ZFAT: variants seen among roughly 807,000 people sequenced by gnomAD.
The protein encoded by ZFAT is zinc finger protein ZFAT.
Under a neutral mutation model 117.7 loss-of-function variants are expected in ZFAT, and 64 were observed. That is an observed-to-expected ratio of 0.54 (90% CI 0.44 to 0.67). The LOEUF is 0.67. ZFAT is among the 30% of genes least tolerant of loss of function. The pLI, the probability that ZFAT is intolerant of heterozygous loss-of-function variation, is 0.00. For missense variants in ZFAT, 1,433 were observed against 1,584.5 expected (o/e 0.90, Z 1.62); for synonymous variants, 679 against 615.0 (o/e 1.10, Z -1.54).
At chr8:134,805,807 C>T in the ZFAT span, among the ~76,000 whole-genome samples, 3 of 151,886 alleles carry the variant, frequency 2.0e-5, no homozygotes, top group South Asian at 2.1e-4. Context: ...AGTGGCAAAA[C>T]CCTACCTCTA....
At chr8:134,782,511 T>A in the ZFAT span, among the ~76,000 whole-genome samples, 1 of 152,232 alleles carries the variant, frequency 6.6e-6, no homozygotes, top group African/African-American at 2.4e-5. Flanking sequence ...CATGAAAATA[T>A]TAATTAAAAT....
At chr8:134,630,266 A>C (rs1829796441) in intron 3 of ZFAT, among the ~76,000 whole-genome samples, 1 of 152,184 alleles carries the variant, frequency 6.6e-6, no homozygotes, top group African/African-American at 2.4e-5. Context: ...CAGAGGAAAA[A>C]ATGAGGGTTT....
At chr8:134,696,384 G>A (rs1833843158) in intron 1 of ZFAT, 4 of 985,464 alleles carry the variant, frequency 4.1e-6, no homozygotes, top group Non-Finnish European at 4.8e-6. Context: ...AACCACCCAG[G>A]AATCAACAGG....
intron 9 of ZFAT, among the ~76,000 whole-genome samples, chr8:134,586,105 A>C (rs1436752661): frequency 6.6e-6 from 1 of 152,212 alleles, no homozygotes; most frequent in African/African-American, 2.4e-5. Flanking sequence ...TGGTGTGTGT[A>C]CTGATATCCT....
At chr8:134,613,841 C>T (rs1431960420) in intron 3 of ZFAT, among the ~76,000 whole-genome samples, 1 of 152,188 alleles carries the variant, frequency 6.6e-6, no homozygotes, top group Non-Finnish European at 1.5e-5. Flanking sequence ...CACCCAGCAG[C>T]TAGGAGAGGC....
chr8:134,771,215 CG>C, the ZFAT span, among the ~76,000 whole-genome samples: 2 of 152,178 alleles, frequency 1.3e-5, no homozygotes, highest in East Asian at 3.8e-4. Flanking sequence ...ATGTCTCCCC[CG>C]GATGCCCAGC....
intron 15 of ZFAT, among the ~76,000 whole-genome samples, chr8:134,507,907 A>G (rs1819532480): frequency 6.6e-6 from 1 of 152,180 alleles, no homozygotes; most frequent in African/African-American, 2.4e-5. Flanking sequence ...GGGACTCCAC[A>G]TGTCAAGATG....
At chr8:134,653,694 G>A (rs530521865) in intron 2 of ZFAT, among the ~76,000 whole-genome samples, 4 of 151,986 alleles carry the variant, frequency 2.6e-5, no homozygotes, top group South Asian at 4.2e-4. Flanking sequence ...CATATACACC[G>A]TAAATACATA....
intron 3 of ZFAT, among the ~76,000 whole-genome samples, chr8:134,618,201 G>T (rs1828878210): frequency 2.0e-5 from 3 of 152,134 alleles, no homozygotes; most frequent in South Asian, 4.2e-4. Flanking sequence ...CAGTTACTAT[G>T]AGCAAATTCA....
chr8:134,739,819 G>C, the ZFAT span, among the ~76,000 whole-genome samples: 1 of 152,232 alleles, frequency 6.6e-6, no homozygotes, highest in Non-Finnish European at 1.5e-5. Flanking sequence ...TTCAACGGAA[G>C]GTACCAGCAG....
the ZFAT span, among the ~76,000 whole-genome samples, chr8:134,825,889 C>G: frequency 6.6e-6 from 1 of 151,908 alleles, no homozygotes; most frequent in Non-Finnish European, 1.5e-5. Context: ...GGCGTGGTGG[C>G]GGGCGCCTGT....
intron 15 of ZFAT, among the ~76,000 whole-genome samples, chr8:134,484,339 T>C (rs1205156277): frequency 2.6e-5 from 4 of 152,194 alleles, no homozygotes; most frequent in Non-Finnish European, 5.9e-5. Flanking sequence ...CCTATAGCTG[T>C]AGAACTGCCC....
At chr8:134,539,585 G>C (rs184989650) in intron 11 of ZFAT, among the ~76,000 whole-genome samples, 7 of 152,184 alleles carry the variant, frequency 4.6e-5, no homozygotes, top group Admixed American at 4.6e-4. Flanking sequence ...TAGTAATAGA[G>C]ATACAGACAG....
chr8:134,497,426 T>C (rs1465105832), intron 15 of ZFAT, among the ~76,000 whole-genome samples: 4 of 151,070 alleles, frequency 2.6e-5, no homozygotes, highest in Non-Finnish European at 5.9e-5. Context: ...AGAGCCTGAT[T>C]TGGTAGGGTT....
chr8:134,713,864 A>G (rs1200830893), upstream of ZFAT, among the ~76,000 whole-genome samples: 1 of 131,646 alleles, frequency 7.6e-6, no homozygotes, highest in African/African-American at 3.0e-5. Context: ...ATCCATTCCT[A>G]TCTGTCATTA....
intron 10 of ZFAT, among the ~76,000 whole-genome samples, chr8:134,577,131 C>A (rs1263636509): frequency 6.6e-6 from 1 of 152,210 alleles, no homozygotes; most frequent in Non-Finnish European, 1.5e-5. Context: ...ACAGCATGAT[C>A]TTTGCATTAA....
the ZFAT span, among the ~76,000 whole-genome samples, chr8:134,805,684 GTAAAATTGCCAGGC>G: frequency 7.2e-5 from 11 of 152,284 alleles, no homozygotes; most frequent in Non-Finnish European, 1.2e-4. Flanking sequence ...TTTAAAATAT[GTAAAATTGCCAGGC>G]ACAGTGGCTC....
At chr8:134,758,795 T>C in the ZFAT span, among the ~76,000 whole-genome samples, 1 of 152,236 alleles carries the variant, frequency 6.6e-6, no homozygotes, top group Non-Finnish European at 1.5e-5. Context: ...CAAGGATTCC[T>C]TTGACTGATA....
the ZFAT span, among the ~76,000 whole-genome samples, chr8:134,741,331 C>G: frequency 1.3e-5 from 2 of 152,154 alleles, no homozygotes; most frequent in Non-Finnish European, 2.9e-5. Flanking sequence ...ACTGCTCCAG[C>G]CAGGCTCTCC....
Sources: gnomAD v4.1 joint callset for allele counts (sites outside exome capture counted in the v4.1 genomes callset) on GRCh38, gnomAD v4.1.1 for gene constraint, MANE v1.5 for transcripts, NCBI Gene and HGNC (gene_info 2026-07-23, HGNC 2026-07-21) for gene names.